Variants in KIRREL1 observed in about 807,000 individuals in gnomAD.
The protein encoded by KIRREL1 is kirre like nephrin family adhesion molecule 1.
In KIRREL1, 25 loss-of-function variants were observed where a neutral mutation model predicts 83.3. That is an observed-to-expected ratio of 0.30 (90% confidence interval 0.22 to 0.42). The LOEUF (loss-of-function observed/expected upper bound fraction) is 0.42. Among genes scored for constraint, KIRREL1 ranks in the 10% least tolerant of loss-of-function variants. The probability of loss-of-function intolerance (pLI) is 1.00; values close to 1 mark genes in which losing one functional copy is unlikely to be tolerated. For synonymous variants in KIRREL1, 388 were observed against 410.4 expected (o/e 0.95, Z 0.66); for missense variants, 812 against 1,032.3 (o/e 0.79, Z 2.92).
At chr1:158,008,500 C>T (rs1419820583) in intron 1 of KIRREL1, among the ~76,000 whole-genome samples, 2 of 152,074 alleles carry the variant, frequency 1.3e-5, no homozygotes, top group Non-Finnish European at 2.9e-5. Context: ...TTCAGTCAAC[C>T]GTGTGCTGGG....
intron 11 of KIRREL1, among the ~76,000 whole-genome samples, chr1:158,091,846 C>T (rs577972354): frequency 3.3e-5 from 5 of 152,340 alleles, no homozygotes; most frequent in East Asian, 1.9e-4. Context: ...GCCCTCACTT[C>T]GTTAAAGTGT....
chr1:158,046,740 G>C (rs567094139), intron 1 of KIRREL1, among the ~76,000 whole-genome samples: 1 of 152,280 alleles, frequency 6.6e-6, no homozygotes, highest in Non-Finnish European at 1.5e-5. Flanking sequence ...CATTAAGCAA[G>C]ATGAGGACGA....
intron 1 of KIRREL1, among the ~76,000 whole-genome samples, chr1:158,022,908 G>T (rs1238997689): frequency 6.6e-6 from 1 of 152,142 alleles, no homozygotes; most frequent in African/African-American, 2.4e-5. Flanking sequence ...CTCAGTCTGG[G>T]TGCAAATGAA....
intron 1 of KIRREL1, among the ~76,000 whole-genome samples, chr1:158,074,491 C>T (rs1389578316): frequency 6.6e-6 from 1 of 152,220 alleles, no homozygotes; most frequent in East Asian, 1.9e-4. Context: ...TGGCATTCTG[C>T]TGGAACAGAT....
chr1:158,042,374 A>C (rs1166168441), intron 1 of KIRREL1, among the ~76,000 whole-genome samples: 1 of 152,106 alleles, frequency 6.6e-6, no homozygotes, highest in Non-Finnish European at 1.5e-5. Flanking sequence ...TTCAGTTTTC[A>C]CTGGGAGGCA....
At chr1:158,084,086 CA>C (rs1285660465) in intron 3 of KIRREL1, among the ~76,000 whole-genome samples, 3 of 152,102 alleles carry the variant, frequency 2.0e-5, no homozygotes, top group Non-Finnish European at 4.4e-5. Flanking sequence ...GCTGAGATGG[CA>C]CCACTGCACT....
chr1:158,042,291 C>T (rs12062716), intron 1 of KIRREL1, among the ~76,000 whole-genome samples: 9 of 150,842 alleles, frequency 6.0e-5, no homozygotes, highest in African/African-American at 1.7e-4. Flanking sequence ...TCCAGGTGAA[C>T]GTGCAGGTAA....
At chr1:158,076,577 G>A (rs1364793200) in intron 2 of KIRREL1, among the ~76,000 whole-genome samples, 2 of 152,200 alleles carry the variant, frequency 1.3e-5, no homozygotes, top group South Asian at 2.1e-4. Context: ...GCAGACAGCT[G>A]TCTAGCAGGA....
At chr1:158,029,366 T>TGTGCGCGC (rs1553238087) in intron 1 of KIRREL1, among the ~76,000 whole-genome samples, 254 of 149,022 alleles carry the variant, frequency 1.7e-3, no homozygotes, top group African/African-American at 6.1e-3. Flanking sequence ...TGTGTGTGTG[T>TGTGCGCGC]GCACGTGCGC....
intron 1 of KIRREL1, among the ~76,000 whole-genome samples, chr1:158,073,383 T>C (rs566422475): frequency 6.6e-6 from 1 of 152,308 alleles, no homozygotes; most frequent in South Asian, 2.1e-4. Flanking sequence ...CCTCTAATTG[T>C]CTAACTGTTC....
intron 1 of KIRREL1, among the ~76,000 whole-genome samples, chr1:157,998,842 A>G (rs944819679): frequency 2.0e-5 from 3 of 152,226 alleles, no homozygotes; most frequent in Non-Finnish European, 4.4e-5. Context: ...GGTGAACTCC[A>G]TACCAAAGCA....
At chr1:158,048,567 A>G (rs997654947) in intron 1 of KIRREL1, among the ~76,000 whole-genome samples, 1 of 152,236 alleles carries the variant, frequency 6.6e-6, no homozygotes, top group African/African-American at 2.4e-5. Flanking sequence ...ACAGAACATC[A>G]AAGTTGGAAG....
chr1:158,060,746 A>G (rs1478155810), intron 1 of KIRREL1, among the ~76,000 whole-genome samples: 1 of 152,180 alleles, frequency 6.6e-6, no homozygotes, highest in Non-Finnish European at 1.5e-5. Context: ...AGTCATTTCC[A>G]TGCAATACAA....
chr1:158,093,865 C>T (rs1304485004), intron 13 of KIRREL1, 103 bp downstream of exon 13: 53 of 1,270,018 alleles, frequency 4.2e-5, no homozygotes, highest in Non-Finnish European at 4.9e-5. Flanking sequence ...CTTCCTCAGT[C>T]GGTCTTCCCT....
rs1010983117 is a variant in KIRREL1, at chr1:158,048,525, C to G, written c.53-27588C>G. Reference sequence around the variant, plus strand: ...TGTGGGGGAAGAAATAGATCTAGTCCTTGCCCACAGTGAACTCACAGCTAC... The same window carrying G: ...TGTGGGGGAAGAAATAGATCTAGTCGTTGCCCACAGTGAACTCACAGCTAC... On this transcript the variant is annotated intron_variant, in intron 1 of 14. Coordinates refer to ENST00000359209, the MANE Select transcript of KIRREL1 (RefSeq NM_018240.7). Among the ~76,000 whole-genome samples the G allele has an allele frequency of 3.3e-5, 5 of 152,300 alleles. 1 individual carries two copies. The highest frequency in any genetic ancestry group is 6.8e-3 in the Middle Eastern group (2 of 294).
intron 1 of KIRREL1, among the ~76,000 whole-genome samples, chr1:158,005,368 C>A (rs555875886): frequency 6.6e-6 from 1 of 151,972 alleles, no homozygotes; most frequent in East Asian, 2.0e-4. Flanking sequence ...CTTGCCAGCA[C>A]GCCCATCCTT....
At chr1:158,033,556 A>G (rs934756278) in intron 1 of KIRREL1, among the ~76,000 whole-genome samples, 4 of 151,998 alleles carry the variant, frequency 2.6e-5, no homozygotes, top group African/African-American at 9.7e-5. Context: ...AGCTCATTTT[A>G]TTGCTCCTCA....
intron 1 of KIRREL1, among the ~76,000 whole-genome samples, chr1:158,041,774 C>T (rs1045715825): frequency 2.0e-5 from 3 of 152,212 alleles, no homozygotes; most frequent in South Asian, 2.1e-4. Flanking sequence ...CTGGTTTGTG[C>T]GGTGGGAGAA....
intron 1 of KIRREL1, among the ~76,000 whole-genome samples, chr1:158,054,570 G>A (rs1237927273): frequency 6.6e-6 from 1 of 152,124 alleles, no homozygotes; most frequent in African/African-American, 2.4e-5. Context: ...GATTTGGAAG[G>A]CATCTTCCAT....
Sources: gnomAD v4.1 joint callset for allele counts (sites outside exome capture counted in the v4.1 genomes callset) on GRCh38, gnomAD v4.1.1 for gene constraint, MANE v1.5 for transcripts, NCBI Gene and HGNC (gene_info 2026-07-23, HGNC 2026-07-21) for gene names.